Variants in TAFA1 observed in about 807,000 individuals in gnomAD.
TAFA1 encodes the protein chemokine-like protein TAFA-1.
A neutral mutation model predicts 18.5 loss-of-function variants in TAFA1; 4 were observed. That is an observed-to-expected ratio of 0.22 (90% CI 0.11 to 0.49). The LOEUF (loss-of-function observed/expected upper bound fraction) is 0.49, where lower values mean the gene tolerates loss of function less well. Among genes scored for constraint, TAFA1 ranks in the 20% least tolerant of loss-of-function variants. TAFA1 has a pLI of 0.98. For missense variants in TAFA1, 147 were observed against 169.0 expected (o/e 0.87, Z 0.72); for synonymous variants, 56 against 55.2 (o/e 1.01, Z -0.06).
At chr3:68,143,214 G>A (rs2065692398) in intron 2 of TAFA1, among the ~76,000 whole-genome samples, 1 of 152,100 alleles carries the variant, frequency 6.6e-6, no homozygotes, top group Admixed American at 6.6e-5. Flanking sequence ...CCTGTGGTAG[G>A]TCCTGGAAGA....
intron 2 of TAFA1, among the ~76,000 whole-genome samples, chr3:68,172,543 C>T (rs1355010500): frequency 6.6e-6 from 1 of 152,072 alleles, no homozygotes; most frequent in Non-Finnish European, 1.5e-5. Flanking sequence ...GATTCCACTG[C>T]TAGGTATTTG....
chr3:68,214,346 G>T (rs1180550484), intron 2 of TAFA1, among the ~76,000 whole-genome samples: 1 of 152,080 alleles, frequency 6.6e-6, no homozygotes, highest in African/African-American at 2.4e-5. Flanking sequence ...GTGATGCTTT[G>T]ATACTCTCCT....
intron 3 of TAFA1, among the ~76,000 whole-genome samples, chr3:68,495,315 T>G (rs1466913038): frequency 6.6e-6 from 1 of 152,212 alleles, no homozygotes; most frequent in African/African-American, 2.4e-5. Flanking sequence ...GAAAAAGAGT[T>G]AAATCTGAAG....
At chr3:68,116,209 C>T (rs573463001) in intron 2 of TAFA1, among the ~76,000 whole-genome samples, 85 of 152,192 alleles carry the variant, frequency 5.6e-4, no homozygotes, top group African/African-American at 2.0e-3. Flanking sequence ...GAGCCGAGAT[C>T]GCGCCACTGC....
chr3:68,475,108 C>T (rs2072065908), intron 3 of TAFA1, among the ~76,000 whole-genome samples: 1 of 151,916 alleles, frequency 6.6e-6, no homozygotes, highest in Admixed American at 6.6e-5. Flanking sequence ...TGGTCCCAAT[C>T]TCCAGAGTCA....
chr3:68,511,399 C>G (rs1040875838), intron 3 of TAFA1, among the ~76,000 whole-genome samples: 1 of 152,084 alleles, frequency 6.6e-6, no homozygotes, highest in African/African-American at 2.4e-5. Flanking sequence ...TTTCTACTAG[C>G]AGACAAGTTG....
intron 3 of TAFA1, among the ~76,000 whole-genome samples, chr3:68,437,314 C>G (rs2071283042): frequency 6.6e-6 from 1 of 152,104 alleles, no homozygotes. Context: ...ATGTCCAGGT[C>G]TACATAAAGA....
intron 2 of TAFA1, among the ~76,000 whole-genome samples, chr3:68,286,559 T>C (rs1263380870): frequency 6.6e-6 from 1 of 151,932 alleles, no homozygotes; most frequent in East Asian, 1.9e-4. Flanking sequence ...CAAAGAAGGA[T>C]TAATAAGGAA....
intron 2 of TAFA1, among the ~76,000 whole-genome samples, chr3:68,413,223 T>A (rs1446461735): frequency 2.0e-5 from 3 of 152,192 alleles, no homozygotes; most frequent in South Asian, 4.1e-4. Context: ...TTGATGGGGT[T>A]GTTTGATTTT....
chr3:68,496,115 C>A (rs2072545016), intron 3 of TAFA1, among the ~76,000 whole-genome samples: 1 of 151,462 alleles, frequency 6.6e-6, no homozygotes, highest in South Asian at 2.1e-4. Flanking sequence ...GTGAGACATG[C>A]AAGGAGGGTA....
chr3:68,286,330 C>T lies in TAFA1; in HGVS notation c.119-130950C>T, dbSNP rs115723214. Among the ~76,000 whole-genome samples, 803 of 152,126 alleles carry T rather than the reference C, an allele frequency of 5.3e-3. 8 individuals are homozygous for T. Among genetic ancestry groups the T allele is most frequent in the African/African-American group, 0.019 (777 of 41,494 alleles). ...GAGTTAATGAGTCTACGTTAGTCCA[C>T]GGGGCTATCCAAGAGAAAACTGTTG... On this transcript the variant is annotated intron_variant, in intron 2 of 4. Coordinates refer to ENST00000478136, the MANE Select transcript of TAFA1 (RefSeq NM_213609.4).
chr3:68,377,642 G>A (rs536291954), intron 2 of TAFA1, among the ~76,000 whole-genome samples: 12 of 152,264 alleles, frequency 7.9e-5, no homozygotes, highest in South Asian at 4.1e-4. Context: ...ATTGTTAATC[G>A]CCAACACAAT....
chr3:68,125,263 C>T (rs9309968), intron 2 of TAFA1, among the ~76,000 whole-genome samples: 20,695 of 152,084 alleles, frequency 0.14, 1,617 homozygotes, highest in East Asian at 0.35. Context: ...ATGGTACTTA[C>T]GTTACTGAAT....
chr3:68,025,049 T>G (rs1455362204), intron 2 of TAFA1, among the ~76,000 whole-genome samples: 1 of 152,084 alleles, frequency 6.6e-6, no homozygotes, highest in African/African-American at 2.4e-5. Context: ...CTGGGCAAAA[T>G]GTTTTTAATT....
chr3:68,494,278 G>A (rs549740817), intron 3 of TAFA1, among the ~76,000 whole-genome samples: 9 of 152,220 alleles, frequency 5.9e-5, no homozygotes, highest in African/African-American at 1.9e-4. Flanking sequence ...ATTGGTATAA[G>A]TTTTAGACCT....
chr3:68,028,664 A>G (rs1368421748), intron 2 of TAFA1, among the ~76,000 whole-genome samples: 1 of 151,942 alleles, frequency 6.6e-6, no homozygotes, highest in Non-Finnish European at 1.5e-5. Context: ...TGGCTGCCAT[A>G]TCACTCCAAT....
chr3:68,524,537 T>C (rs2106758553), intron 3 of TAFA1, among the ~76,000 whole-genome samples: 1 of 152,240 alleles, frequency 6.6e-6, no homozygotes, highest in South Asian at 2.1e-4. Context: ...TCAAAATGAA[T>C]TGGCATTATT....
Position 68,103,573 on chromosome 3 carries a change from T to C in TAFA1, c.118+96829T>C, listed in dbSNP as rs536751584. ...AAGCTCAGAGGAAAAGCCACAAGAT[T>C]AGTATAATTCACTCATGTTGAATTA... On this transcript the variant is annotated intron_variant, in intron 2 of 4. Coordinates refer to ENST00000478136, the MANE Select transcript of TAFA1 (RefSeq NM_213609.4). Among the ~76,000 whole-genome samples, 199 of 152,262 alleles carry C rather than the reference T, an allele frequency of 1.3e-3. 2 individuals are homozygous for C. The highest frequency in any genetic ancestry group is 4.5e-3 in the African/African-American group (185 of 41,550).
intron 2 of TAFA1, among the ~76,000 whole-genome samples, chr3:68,196,255 G>T (rs888386766): frequency 4.0e-5 from 6 of 151,732 alleles, no homozygotes; most frequent in Admixed American, 3.3e-4. Context: ...GAAATAGTAT[G>T]TTCATACCAA....
Sources: gnomAD v4.1 joint callset for allele counts (sites outside exome capture counted in the v4.1 genomes callset) on GRCh38, gnomAD v4.1.1 for gene constraint, MANE v1.5 for transcripts, NCBI Gene and HGNC (gene_info 2026-07-23, HGNC 2026-07-21) for gene names.